Variants in SYNPR observed in about 807,000 individuals in gnomAD.
The protein encoded by SYNPR is synaptoporin.
SYNPR carries 23 observed loss-of-function variants against 32.9 expected under a neutral mutation model. The observed-to-expected ratio is 0.70, with a 90% CI of 0.50 to 0.99. The LOEUF is 0.99. Ranked by LOEUF, SYNPR falls within the 50% of genes least tolerant of loss-of-function variation. The pLI, the probability that SYNPR is intolerant of heterozygous loss-of-function variation, is 0.00. For missense variants in SYNPR, 318 were observed against 349.3 expected, an observed-to-expected ratio of 0.91 and a Z score of 0.71; for synonymous variants, 146 against 135.9, an observed-to-expected ratio of 1.07 and a Z score of -0.52.
At chr3:63,512,364 C>T (rs1167309379) in intron 3 of SYNPR, among the ~76,000 whole-genome samples, 4 of 152,134 alleles carry the variant, frequency 2.6e-5, no homozygotes, top group Admixed American at 2.6e-4. Flanking sequence ...CTCTTGACAA[C>T]AACAACAACA....
intron 2 of SYNPR, among the ~76,000 whole-genome samples, chr3:63,430,240 G>T (rs1008626033): frequency 6.6e-6 from 1 of 152,126 alleles, no homozygotes; most frequent in African/African-American, 2.4e-5. Flanking sequence ...TTTGTCAAAG[G>T]TCAGTTTTTC....
intron 3 of SYNPR, among the ~76,000 whole-genome samples, chr3:63,517,788 G>A (rs1330447514): frequency 1.3e-5 from 2 of 152,140 alleles, no homozygotes; most frequent in African/African-American, 4.8e-5. Context: ...AGAGGCTATA[G>A]CCAACTCAGG....
intron 3 of SYNPR, among the ~76,000 whole-genome samples, chr3:63,530,633 T>A (rs184795565): frequency 1.3e-5 from 2 of 152,250 alleles, no homozygotes; most frequent in Admixed American, 6.5e-5. Context: ...CACATACACA[T>A]CTCACAGGAA....
intron 2 of SYNPR, chr3:63,443,116 G>A (rs1184064385): frequency 2.7e-6 from 3 of 1,123,462 alleles, no homozygotes; most frequent in African/African-American, 3.2e-5. Context: ...CAAGAGCCAA[G>A]TGTGGGAGCT....
intron 3 of SYNPR, among the ~76,000 whole-genome samples, chr3:63,541,077 A>G (rs963785898): frequency 6.6e-6 from 1 of 151,730 alleles, no homozygotes; most frequent in Non-Finnish European, 1.5e-5. Flanking sequence ...TGGAGCTGGG[A>G]GAACGATGGC....
At chr3:63,528,609 T>C (rs1270418795) in intron 3 of SYNPR, among the ~76,000 whole-genome samples, 1 of 151,594 alleles carries the variant, frequency 6.6e-6, no homozygotes, top group Non-Finnish European at 1.5e-5. Flanking sequence ...TTACTATTCT[T>C]CCAGTTTGTA....
intron 2 of SYNPR, among the ~76,000 whole-genome samples, chr3:63,439,591 C>A (rs1342958445): frequency 3.3e-5 from 5 of 152,100 alleles, no homozygotes; most frequent in Non-Finnish European, 2.9e-5. Context: ...CTAAGCAAAA[C>A]CCTGGGAACC....
chr3:63,507,579 C>T (rs1478829836), intron 3 of SYNPR, among the ~76,000 whole-genome samples: 1 of 152,200 alleles, frequency 6.6e-6, no homozygotes, highest in Admixed American at 6.5e-5. Context: ...AACTATGCAA[C>T]TACATATTAT....
At chr3:63,462,904 G>A (rs1700612788) in intron 2 of SYNPR, among the ~76,000 whole-genome samples, 1 of 152,098 alleles carries the variant, frequency 6.6e-6, no homozygotes, top group Non-Finnish European at 1.5e-5. Context: ...GAAGGTGCTT[G>A]TGTGAACATA....
intron 2 of SYNPR, among the ~76,000 whole-genome samples, chr3:63,267,062 C>T (rs1268770233): frequency 6.6e-6 from 1 of 152,044 alleles, no homozygotes; most frequent in African/African-American, 2.4e-5. Context: ...AACTGATGTG[C>T]AAAGTTATAG....
chr3:63,397,731 CTT>C (rs1214571687), intron 2 of SYNPR, among the ~76,000 whole-genome samples: 1 of 152,162 alleles, frequency 6.6e-6, no homozygotes, highest in African/African-American at 2.4e-5. Context: ...AGCTGTATGA[CTT>C]TGAACAAATC....
chr3:63,266,242 C>A (rs567351659), intron 2 of SYNPR, among the ~76,000 whole-genome samples: 3 of 135,640 alleles, frequency 2.2e-5, no homozygotes, highest in Non-Finnish European at 4.6e-5. Flanking sequence ...TTTCTGATTT[C>A]TTTTTCTATT....
chr3:63,587,838 A>G (rs1434653435), intron 4 of SYNPR, among the ~76,000 whole-genome samples: 1 of 152,052 alleles, frequency 6.6e-6, no homozygotes, highest in Non-Finnish European at 1.5e-5. Context: ...CTCAAACTCC[A>G]GGCCTCAGGG....
intron 2 of SYNPR, among the ~76,000 whole-genome samples, chr3:63,342,309 T>C (rs73108933): frequency 0.041 from 6,268 of 152,288 alleles, 199 homozygotes; most frequent in South Asian, 0.078. Flanking sequence ...TCTTGTTTGT[T>C]TAGCGTTTTA....
rs571817238 is a variant in SYNPR at position 63,343,454 on chromosome 3, C to T, written c.84+64712C>T. On this transcript the variant is annotated intron_variant, in intron 2 of 5. Coordinates refer to ENST00000478300, the MANE Select transcript of SYNPR (RefSeq NM_001130003.2). ...TGGTGTGCATCCCAGGGGCATGGCA[C>T]TGGTGGAGAGAAGGAGGCAGAGTGA... Among the ~76,000 whole-genome samples, 226 of 152,236 alleles carry T rather than the reference C, an allele frequency of 1.5e-3. 1 individual carries two copies. Among genetic ancestry groups the T allele is most frequent in the Non-Finnish European group, 2.5e-3 (168 of 68,012 alleles).
intron 4 of SYNPR, among the ~76,000 whole-genome samples, chr3:63,586,848 T>C (rs181888955): frequency 1.3e-5 from 2 of 152,002 alleles, no homozygotes; most frequent in African/African-American, 4.8e-5. Context: ...CTTGATCATA[T>C]TAATGGCTCA....
At position 63,278,563 on chromosome 3, in the gene SYNPR, C is replaced by T; in HGVS notation, c.18+12C>T. On this transcript the variant is annotated intron_variant, in intron 1 of 5. Coordinates refer to ENST00000478300, the MANE Select transcript of SYNPR (RefSeq NM_001130003.2). ...ACCCTGTGAGTCAGGTGAGACAGAA[C>T]TGGGCAGGGCGGCTGGCTGGGAGCA... is the stretch of plus-strand genomic sequence containing the variant. 3 of 1,550,994 alleles carry T rather than the reference C, an allele frequency of 1.9e-6. No individual in the cohort carries two copies. The highest frequency in any genetic ancestry group is 2.6e-6 in the Non-Finnish European group (3 of 1,146,476).
chr3:63,565,213 G>A (rs1702760979), intron 4 of SYNPR, among the ~76,000 whole-genome samples: 2 of 152,166 alleles, frequency 1.3e-5, no homozygotes, highest in African/African-American at 4.8e-5. Context: ...CCTATGGAGA[G>A]GGAGGAGGGA....
At chr3:63,338,805 G>C (rs2087326706) in intron 2 of SYNPR, among the ~76,000 whole-genome samples, 1 of 152,196 alleles carries the variant, frequency 6.6e-6, no homozygotes, top group South Asian at 2.1e-4. Flanking sequence ...TTTCTCCGAA[G>C]CAGGGACATG....
Sources: gnomAD v4.1 joint callset for allele counts (sites outside exome capture counted in the v4.1 genomes callset) on GRCh38, gnomAD v4.1.1 for gene constraint, MANE v1.5 for transcripts, NCBI Gene and HGNC (gene_info 2026-07-23, HGNC 2026-07-21) for gene names.